COLEC10: variants seen among roughly 807,000 people sequenced by gnomAD.
COLEC10 encodes collectin subfamily member 10.
COLEC10 carries 22 observed loss-of-function variants against 28.4 expected under a neutral mutation model. That is an observed-to-expected ratio of 0.78 (90% CI 0.55 to 1.11). The LOEUF is 1.11. COLEC10 is among the 50% of genes least tolerant of loss of function. The pLI, the probability that COLEC10 is intolerant of heterozygous loss-of-function variation, is 0.00. For synonymous variants in COLEC10, 125 were observed against 116.1 expected, an observed-to-expected ratio of 1.08 and a Z score of -0.49; for missense variants, 361 against 344.1, an observed-to-expected ratio of 1.05 and a Z score of -0.39.
chr8:119,092,096 G>T (rs1252302508), intron 3 of COLEC10, among the ~76,000 whole-genome samples: 2 of 139,838 alleles, frequency 1.4e-5, no homozygotes, highest in African/African-American at 5.3e-5. Flanking sequence ...TTGAGATGGA[G>T]TCTTGCTCTG....
chr8:119,040,764 C>G (rs1814480041), intron 2 of COLEC10, among the ~76,000 whole-genome samples: 1 of 152,198 alleles, frequency 6.6e-6, no homozygotes, highest in Non-Finnish European at 1.5e-5. Context: ...CACCAGCTAT[C>G]AACAGAAGGG....
intron 3 of COLEC10, among the ~76,000 whole-genome samples, chr8:119,095,220 A>G (rs991748212): frequency 6.6e-6 from 1 of 152,208 alleles, no homozygotes; most frequent in African/African-American, 2.4e-5. Context: ...CAAAATAAGT[A>G]AATATGTAAA....
chr8:119,026,291 T>C (rs1255760928), intron 2 of COLEC10, among the ~76,000 whole-genome samples: 2 of 152,170 alleles, frequency 1.3e-5, no homozygotes, highest in East Asian at 3.8e-4. Context: ...TGGTGGCTCA[T>C]GCCTGTAATC....
In COLEC10 at chr8:119,106,317, G is replaced by A; in HGVS notation, c.*126G>A. On this transcript the variant is annotated 3_prime_UTR_variant, in exon 6 of 6. Transcript: ENST00000332843. ...ACATAGCTAGAAAATGCTAAACTGA[G>A]GTATGGAGCCTCCATCATCATGCTC... 2.2e-6 allele frequency: 2 copies of A among 916,180 alleles called. No individual in the cohort carries two copies. The highest frequency in any genetic ancestry group is 3.3e-6 in the Non-Finnish European group (2 of 609,714). The allele number at this position is 916,180 out of a possible 1,614,324, so 56.8% of individuals were successfully genotyped here.
the COLEC10 span, among the ~76,000 whole-genome samples, chr8:118,957,214 C>T: frequency 6.6e-6 from 1 of 152,168 alleles, no homozygotes; most frequent in Non-Finnish European, 1.5e-5. Flanking sequence ...TATCCTGATA[C>T]AGATCAAAAG....
chr8:118,989,622 C>G, the COLEC10 span, among the ~76,000 whole-genome samples: 5 of 150,376 alleles, frequency 3.3e-5, no homozygotes, highest in African/African-American at 1.2e-4. Flanking sequence ...ATACCAAAGA[C>G]AAAATCTTGG....
chr8:118,959,407 T>C, the COLEC10 span, among the ~76,000 whole-genome samples: 2 of 152,324 alleles, frequency 1.3e-5, no homozygotes, highest in South Asian at 4.1e-4. Flanking sequence ...GTTTTGTCTT[T>C]TCATTGCTCT....
At chr8:119,048,139 C>T (rs968764380) in intron 2 of COLEC10, among the ~76,000 whole-genome samples, 2 of 152,154 alleles carry the variant, frequency 1.3e-5, no homozygotes, top group Non-Finnish European at 2.9e-5. Context: ...CCATGCCCCA[C>T]TTCCTCCTTC....
intron 1 of COLEC10, among the ~76,000 whole-genome samples, chr8:119,008,751 G>A (rs544791008): frequency 2.0e-5 from 3 of 150,880 alleles, no homozygotes; most frequent in African/African-American, 7.4e-5. Flanking sequence ...TAGGTTGGTT[G>A]GTGCAAAAGT....
At chr8:118,999,678 A>C (rs1002279942) in intron 1 of COLEC10, among the ~76,000 whole-genome samples, 5 of 152,168 alleles carry the variant, frequency 3.3e-5, no homozygotes, top group African/African-American at 9.7e-5. Flanking sequence ...ATGGTCTCAA[A>C]AGCCTAGAAA....
chr8:119,096,772 A>T (rs1399844081), intron 3 of COLEC10, among the ~76,000 whole-genome samples: 4 of 152,042 alleles, frequency 2.6e-5, no homozygotes, highest in Non-Finnish European at 5.9e-5. Context: ...CCAAAGAAAT[A>T]AAAAAGGTCA....
the COLEC10 span, among the ~76,000 whole-genome samples, chr8:118,970,588 G>C: frequency 6.6e-6 from 1 of 151,376 alleles, no homozygotes; most frequent in African/African-American, 2.4e-5. Flanking sequence ...CTGATGCATA[G>C]TGGAATCTCA....
At chr8:119,022,932 G>T (rs1221444262) in intron 2 of COLEC10, among the ~76,000 whole-genome samples, 1 of 152,072 alleles carries the variant, frequency 6.6e-6, no homozygotes, top group East Asian at 1.9e-4. Flanking sequence ...CTGTGGCTCA[G>T]TCTGAGCTCC....
rs770053333 is a variant in COLEC10 at position 119,091,170 on chromosome 8, A to G, written c.242A>G (p.Asp81Gly). 5 of 1,613,086 alleles carry G rather than the reference A, an allele frequency of 3.1e-6. No individual in the cohort carries two copies. Among genetic ancestry groups the G allele is most frequent in the Middle Eastern group, 1.7e-4 (1 of 6,058 alleles). The change falls in exon 3 of 6, where the codon GAT becomes GGT. Residue 81 changes from aspartate to glycine, a missense_variant. Transcript: ENST00000332843. ...TCAGGAATTAAAGGAGAACTGGGTG[A>G]TATGGGAGATCAGGGCAATATTGGC... ...GPKGIKGELG[D>G]MGDQGNIGKT...
intron 1 of COLEC10, among the ~76,000 whole-genome samples, chr8:118,996,656 C>A (rs1211384126): frequency 6.6e-6 from 1 of 152,158 alleles, no homozygotes; most frequent in African/African-American, 2.4e-5. Flanking sequence ...TATCTGTATG[C>A]TTTCTGTGCT....
chr8:119,061,642 T>C (rs1814858273), intron 2 of COLEC10, among the ~76,000 whole-genome samples: 1 of 152,030 alleles, frequency 6.6e-6, no homozygotes, highest in Non-Finnish European at 1.5e-5. Context: ...AATTTGAAGG[T>C]ACAATTACTA....
intron 1 of COLEC10, chr8:119,068,279 C>T (rs1393380551): frequency 6.6e-6 from 1 of 152,136 alleles, no homozygotes; most frequent in Non-Finnish European, 1.5e-5. Context: ...TGCCCCATGC[C>T]TGTCAGTTAT....
intron 2 of COLEC10, among the ~76,000 whole-genome samples, chr8:119,058,055 A>G (rs934982098): frequency 6.6e-6 from 1 of 152,066 alleles, no homozygotes; most frequent in African/African-American, 2.4e-5. Flanking sequence ...CTCAACTGCC[A>G]AGACATTATA....
rs1322317683 is a variant in COLEC10, at chr8:119,091,213, G to A, written c.285G>A (p.Gly95=). 2 of 1,611,636 alleles carry A rather than the reference G, an allele frequency of 1.2e-6. No individual in the cohort carries two copies. The highest frequency in any genetic ancestry group is 1.7e-6 in the Non-Finnish European group (2 of 1,178,520). The part of the protein sequence containing the change: ...QGNIGKTGPI[G]KKGDKGEKGL... Reference sequence around the variant, plus strand: ...ATATTGGCAAGACTGGGCCCATTGGGAAGAAGGGTAAGTTGCATCTTACTA... The same window carrying A: ...ATATTGGCAAGACTGGGCCCATTGGAAAGAAGGGTAAGTTGCATCTTACTA... The change falls in exon 3 of 6, where the codon GGG becomes GGA. Residue 95 remains glycine (G), a synonymous_variant. Transcript: ENST00000332843.
Sources: gnomAD v4.1 joint callset for allele counts (sites outside exome capture counted in the v4.1 genomes callset) on GRCh38, gnomAD v4.1.1 for gene constraint, MANE v1.5 for transcripts, NCBI Gene and HGNC (gene_info 2026-07-23, HGNC 2026-07-21) for gene names.